Variants in EFHC1 observed in about 807,000 individuals in gnomAD.
EFHC1 encodes EF-hand domain-containing protein 1.
A neutral mutation model predicts 69.9 loss-of-function variants in EFHC1; 53 were observed. The observed-to-expected ratio is 0.76, with a 90% CI of 0.61 to 0.95. The LOEUF is 0.95. Ranked by LOEUF, EFHC1 falls within the 40% of genes least tolerant of loss-of-function variation. The pLI, the probability that EFHC1 is intolerant of heterozygous loss-of-function variation, is 0.00. For synonymous variants in EFHC1, 256 were observed against 278.4 expected (o/e 0.92, Z 0.80); for missense variants, 739 against 798.7 (o/e 0.93, Z 0.90).
At position 52,495,655 on chromosome 6, in the gene EFHC1, C is replaced by G. The variant is rs188142353; in HGVS notation, c.*3314C>G. 3 of 447,654 alleles carry G rather than the reference C, an allele frequency of 6.7e-6. No individual in the cohort carries two copies. The highest frequency in any genetic ancestry group is 1.4e-4 in the East Asian group (2 of 14,288). The allele number at this position is 447,654 out of a possible 1,614,324, so 27.7% of individuals were successfully genotyped here. On this transcript the variant is annotated 3_prime_UTR_variant, in exon 11 of 11. Transcript: ENST00000371068. ...CCAGACTGGAATGCGGTGGTGTGACCATAGCTCACTGCAGCCTCAAACTCC... is the reference window on the plus strand; with the variant it reads ...CCAGACTGGAATGCGGTGGTGTGACGATAGCTCACTGCAGCCTCAAACTCC...
In EFHC1 at chr6:52,424,150, G is replaced by A. The variant is rs1297830506; in HGVS notation, c.268G>A (p.Val90Met). The change falls in exon 2 of 11, where the codon GTG becomes ATG. Residue 90 changes from valine (V) to methionine (M), a missense_variant. Coordinates refer to ENST00000371068, the MANE Select transcript of EFHC1 (RefSeq NM_018100.4). ...APPADFIPAH[V>M]AFDKKVLKFD... is the part of the protein sequence containing the mutation. ...ACCTGCGGATTTTATTCCTGCGCAT[G>A]TGGCCTTTGACAAAAAGGTATCATC... The A allele has an allele frequency of 6.2e-7, 1 of 1,613,964 alleles. No homozygotes were observed. Among genetic ancestry groups the A allele is most frequent in the Non-Finnish European group, 8.5e-7 (1 of 1,179,902 alleles).
intron 3 of EFHC1, among the ~76,000 whole-genome samples, chr6:52,439,080 C>A (rs1318569211): frequency 6.6e-6 from 1 of 152,034 alleles, no homozygotes; most frequent in Non-Finnish European, 1.5e-5. Flanking sequence ...GAAATGAAAC[C>A]ATTTTTAAAT....
chr6:52,460,285 A>G (rs1388166995), intron 5 of EFHC1, among the ~76,000 whole-genome samples: 1 of 152,244 alleles, frequency 6.6e-6, no homozygotes, highest in East Asian at 1.9e-4. Flanking sequence ...ACAAAAATAC[A>G]TGCCATATAA....
rs556699121 is a variant in EFHC1, at chr6:52,456,712, G to A, written c.916+2425G>A. 2.3e-4 allele frequency among the ~76,000 whole-genome samples: 35 copies of A among 152,238 alleles called. No individual in the cohort carries two copies. The East Asian group carries it at 6.2e-3, about 27-fold the overall frequency. On this transcript the variant is annotated intron_variant, in intron 5 of 10. Coordinates refer to ENST00000371068, the MANE Select transcript of EFHC1 (RefSeq NM_018100.4). ...GAGGATCACCTGAAGTCAGGAGTTC[G>A]AGACCAGTCTGGCCAACATGGTGAA...
At chr6:52,465,151 C>G (rs749162830) in intron 6 of EFHC1, 36 bp downstream of exon 6, 1 of 1,582,290 alleles carries the variant, frequency 6.3e-7, no homozygotes, top group East Asian at 2.2e-5. Context: ...GGTGAGAAAA[C>G]TAATTTTTTG....
intron 7 of EFHC1, among the ~76,000 whole-genome samples, chr6:52,472,126 A>G (rs535557493): frequency 3.3e-5 from 5 of 149,764 alleles, no homozygotes; most frequent in African/African-American, 1.0e-4. Context: ...ATACCCCTGA[A>G]CCTAAAATAA....
chr6:52,484,987 A>C (rs1765756537), intron 9 of EFHC1, among the ~76,000 whole-genome samples: 1 of 152,184 alleles, frequency 6.6e-6, no homozygotes, highest in African/African-American at 2.4e-5. Flanking sequence ...TGCCAAATAT[A>C]ATCCATATCA....
intron 2 of EFHC1, among the ~76,000 whole-genome samples, chr6:52,424,999 T>C (rs1764273525): frequency 6.6e-6 from 1 of 152,236 alleles, no homozygotes; most frequent in African/African-American, 2.4e-5. Context: ...TTATTCCTGT[T>C]AAATGTCTAT....
chr6:52,426,913 G>A (rs2113969214), intron 2 of EFHC1, among the ~76,000 whole-genome samples: 1 of 152,260 alleles, frequency 6.6e-6, no homozygotes, highest in Admixed American at 6.5e-5. Flanking sequence ...ATGCTGCCTT[G>A]TTTATTCTCT....
rs910558084 is a variant in EFHC1 at position 52,497,022 on chromosome 6, CACAA to C, written c.*4684_*4687del. Reference sequence around the variant, plus strand: ...GCACCAACATATTTGTTGGCCTTTACACAAACGAAACCCCATTTCCTCCAAGCTA... The same window carrying C: ...GCACCAACATATTTGTTGGCCTTTACACGAAACCCCATTTCCTCCAAGCTA... On this transcript the variant is annotated 3_prime_UTR_variant, in exon 11 of 11. Coordinates refer to ENST00000371068, the MANE Select transcript of EFHC1 (RefSeq NM_018100.4). 3.2e-4 allele frequency: 48 copies of C among 152,316 alleles called. No homozygotes were observed. The highest frequency in any genetic ancestry group is 1.2e-3 in the African/African-American group (48 of 41,574). The allele number at this position is 152,316 out of a possible 1,614,324, so 9.4% of individuals were successfully genotyped here. A position where few individuals can be genotyped will look rare whatever the true frequency, so the allele number is the denominator to read the frequency against.
chr6:52,447,124 G>C (rs891015209), intron 3 of EFHC1, among the ~76,000 whole-genome samples: 1 of 152,122 alleles, frequency 6.6e-6, no homozygotes, highest in African/African-American at 2.4e-5. Flanking sequence ...ACTAGTTTGG[G>C]GAAGTTCTCT....
At chr6:52,472,985 A>G (rs775229489) in intron 7 of EFHC1, among the ~76,000 whole-genome samples, 7 of 152,208 alleles carry the variant, frequency 4.6e-5, no homozygotes, top group Non-Finnish European at 7.4e-5. Flanking sequence ...AAATTGATCT[A>G]TGGTTTAAAA....
At chr6:52,491,546 A>T (rs990136179) in intron 10 of EFHC1, among the ~76,000 whole-genome samples, 5 of 145,934 alleles carry the variant, frequency 3.4e-5, no homozygotes, top group Admixed American at 1.4e-4. Flanking sequence ...AAGTGCTTTT[A>T]TAAATATGGA....
At chr6:52,487,038 G>A (rs1765801289) in intron 9 of EFHC1, 1 of 151,982 alleles carries the variant, frequency 6.6e-6, no homozygotes, top group African/African-American at 2.4e-5. Context: ...TGAAGGGACA[G>A]GTAGTAAGTA....
At chr6:52,437,414 A>T (rs1764557909) in intron 2 of EFHC1, 1 of 152,238 alleles carries the variant, frequency 6.6e-6, no homozygotes, top group Admixed American at 6.5e-5. Flanking sequence ...ACACATTGTG[A>T]GTATTTAAAG....
At chr6:52,424,231 A>C (rs1357004839) in intron 2 of EFHC1, 64 bp downstream of exon 2, 1 of 1,460,940 alleles carries the variant, frequency 6.8e-7, no homozygotes, top group East Asian at 2.4e-5. Context: ...CTTGCAAAAA[A>C]GTTAAAACAG....
intron 2 of EFHC1, among the ~76,000 whole-genome samples, chr6:52,426,106 G>C (rs1211406495): frequency 6.6e-6 from 1 of 152,158 alleles, no homozygotes; most frequent in African/African-American, 2.4e-5. Flanking sequence ...TCTCTAGCTA[G>C]AGTCATATCA....
chr6:52,440,268 G>A (rs1018932179), intron 3 of EFHC1, among the ~76,000 whole-genome samples: 1 of 151,778 alleles, frequency 6.6e-6, no homozygotes, highest in Non-Finnish European at 1.5e-5. Context: ...TAATATATAC[G>A]GTTGATTCAT....
At chr6:52,420,954 T>C in intron 1 of EFHC1, 1 of 1,009,432 alleles carries the variant, frequency 9.9e-7, no homozygotes, top group South Asian at 3.0e-5. Flanking sequence ...CACAGGTCCG[T>C]CATTCCCGCC....
Sources: gnomAD v4.1 joint callset for allele counts (sites outside exome capture counted in the v4.1 genomes callset) on GRCh38, gnomAD v4.1.1 for gene constraint, MANE v1.5 for transcripts, NCBI Gene and HGNC (gene_info 2026-07-23, HGNC 2026-07-21) for gene names.